The following NMNAT1 variants were observed in gnomAD, a reference collection of about 807,000 sequenced individuals.
NMNAT1 encodes the protein nicotinamide/nicotinic acid mononucleotide adenylyltransferase 1.
NMNAT1 carries 11 observed loss-of-function variants against 16.7 expected under a neutral mutation model. The ratio of observed to expected loss-of-function variants is 0.66; its 90% CI spans 0.41 to 1.09. The LOEUF is 1.09. NMNAT1 is among the 50% of genes least tolerant of loss of function. The pLI, the probability that NMNAT1 is intolerant of heterozygous loss-of-function variation, is 0.00. For missense variants in NMNAT1, 280 were observed against 332.3 expected, an observed-to-expected ratio of 0.84 and a Z score of 1.22; for synonymous variants, 110 against 119.8, an observed-to-expected ratio of 0.92 and a Z score of 0.53.
intron 3 of NMNAT1, among the ~76,000 whole-genome samples, chr1:9,977,178 G>C (rs116745709): frequency 0.017 from 2,619 of 152,280 alleles, 70 homozygotes; most frequent in African/African-American, 0.058. Flanking sequence ...AAAGTGCGGG[G>C]ATTACAGAGG....
chr1:9,980,269 T>C (rs1641911983), intron 3 of NMNAT1, among the ~76,000 whole-genome samples: 1 of 151,804 alleles, frequency 6.6e-6, no homozygotes, highest in Non-Finnish European at 1.5e-5. Context: ...TCCACAACAG[T>C]CATCTTATGT....
At chr1:9,967,866 C>G (rs1391962553) in intron 1 of NMNAT1, among the ~76,000 whole-genome samples, 2 of 151,888 alleles carry the variant, frequency 1.3e-5, no homozygotes, top group African/African-American at 4.8e-5. Context: ...GTCCCAGCTG[C>G]TTGGGAGGCT....
rs113736576 is a variant in NMNAT1, at chr1:9,977,621, C to T, written c.299+1846C>T. ...GTAGCTCATGACTATAATCCCAGCA[C>T]TTTGGGAGGCTGAGGCCGGCAGATC... is the stretch of plus-strand genomic sequence containing the variant. On this transcript the variant is annotated intron_variant, in intron 3 of 4. Coordinates refer to ENST00000377205, the MANE Select transcript of NMNAT1 (RefSeq NM_022787.4). Among the ~76,000 whole-genome samples, 756 of 152,144 alleles carry T rather than the reference C, an allele frequency of 5.0e-3. 10 individuals are homozygous for T. The highest frequency in any genetic ancestry group is 0.017 in the African/African-American group (713 of 41,522).
intron 3 of NMNAT1, among the ~76,000 whole-genome samples, chr1:9,980,321 T>C (rs1165506255): frequency 6.6e-6 from 1 of 151,932 alleles, no homozygotes; most frequent in Admixed American, 6.6e-5. Context: ...GGATTCAGTG[T>C]AATGTGTGGC....
the NMNAT1 span, among the ~76,000 whole-genome samples, chr1:9,990,956 T>C: frequency 1.3e-5 from 2 of 152,296 alleles, no homozygotes; most frequent in Middle Eastern, 3.4e-3. Flanking sequence ...AATTACTCCT[T>C]ATCCTATGGC....
chr1:9,968,732 C>T (rs1257177515), intron 1 of NMNAT1, among the ~76,000 whole-genome samples: 1 of 143,414 alleles, frequency 7.0e-6, no homozygotes, highest in East Asian at 2.1e-4. Context: ...GATCATGCCA[C>T]TGCACTCCAG....
At chr1:9,973,413 A>G (rs1015970671) in intron 2 of NMNAT1, among the ~76,000 whole-genome samples, 2 of 152,152 alleles carry the variant, frequency 1.3e-5, no homozygotes, top group Non-Finnish European at 2.9e-5. Context: ...AAGTTTTCAT[A>G]AACAATGCAT....
chr1:9,994,796 T>A, the NMNAT1 span, among the ~76,000 whole-genome samples: 1 of 151,814 alleles, frequency 6.6e-6, no homozygotes, highest in Non-Finnish European at 1.5e-5. Flanking sequence ...GTATTTTTAG[T>A]AGAGACAGGG....
intron 3 of NMNAT1, 118 bp downstream of exon 3, chr1:9,975,893 T>G: frequency 1.2e-6 from 1 of 807,850 alleles, no homozygotes; most frequent in Non-Finnish European, 2.0e-6. Context: ...AACTGTCACG[T>G]GTGTTGTAAG....
At chr1:9,981,874 T>C (rs1426383940) in intron 4 of NMNAT1, 1 of 156,152 alleles carries the variant, frequency 6.4e-6, no homozygotes, top group African/African-American at 2.4e-5. Flanking sequence ...ATTCTTTTTT[T>C]TTTTTTGAGA....
intron 1 of NMNAT1, among the ~76,000 whole-genome samples, chr1:9,966,552 G>T: frequency 6.6e-6 from 1 of 152,168 alleles, no homozygotes; most frequent in East Asian, 1.9e-4. Flanking sequence ...GATGGAAATT[G>T]CAGTGAGCCA....
chr1:9,992,769 G>A, the NMNAT1 span, among the ~76,000 whole-genome samples: 1 of 152,056 alleles, frequency 6.6e-6, no homozygotes, highest in Non-Finnish European at 1.5e-5. Flanking sequence ...AAAATTAGCT[G>A]GGTGTGGTGG....
At chr1:9,970,572 C>G (rs556016360) in intron 1 of NMNAT1, among the ~76,000 whole-genome samples, 1 of 151,976 alleles carries the variant, frequency 6.6e-6, no homozygotes, top group East Asian at 1.9e-4. Flanking sequence ...ACCTGTAATC[C>G]CAGCTACTCG....
chr1:9,989,447 A>C (rs1282983579), downstream of NMNAT1, among the ~76,000 whole-genome samples: 1 of 151,732 alleles, frequency 6.6e-6, no homozygotes, highest in East Asian at 1.9e-4. Context: ...GATAGAGCAA[A>C]ACTCAGTCTA....
At chr1:9,975,292 G>C (rs1041723793) in intron 2 of NMNAT1, among the ~76,000 whole-genome samples, 2 of 152,112 alleles carry the variant, frequency 1.3e-5, no homozygotes, top group African/African-American at 4.8e-5. Context: ...CTTGAGGTCA[G>C]GAGTTGGAGA....
chr1:9,944,633 G>A lies in NMNAT1; in HGVS notation c.-57+1118G>A, dbSNP rs989671221. Among the ~76,000 whole-genome samples the A allele has an allele frequency of 8.5e-5, 13 of 152,212 alleles. No homozygotes were observed. In the East Asian group the frequency reaches 2.3e-3, roughly 27 times the overall value. The stretch of plus-strand genomic sequence containing the variant: ...TGGGCTCAAGCGATCCTCTGGCCTT[G>A]GCCCCTCAAAGTGTTGTGGTGATTG... On this transcript the variant is annotated intron_variant, in intron 1 of 4. Coordinates refer to ENST00000377205, the MANE Select transcript of NMNAT1 (RefSeq NM_022787.4).
At chr1:9,953,361 C>T (rs1265018198) in intron 1 of NMNAT1, among the ~76,000 whole-genome samples, 1 of 151,056 alleles carries the variant, frequency 6.6e-6, no homozygotes, top group Admixed American at 6.6e-5. Context: ...ACTGCATCCT[C>T]TGCCTCCCAG....
At chr1:9,972,645 A>G (rs1322554423) in intron 2 of NMNAT1, 1 of 155,108 alleles carries the variant, frequency 6.4e-6, no homozygotes, top group Admixed American at 6.3e-5. Flanking sequence ...AGAATTGAGC[A>G]TCTGGCTATG....
At chr1:9,973,029 A>C (rs994853496) in intron 2 of NMNAT1, among the ~76,000 whole-genome samples, 1 of 152,220 alleles carries the variant, frequency 6.6e-6, no homozygotes, top group Non-Finnish European at 1.5e-5. Context: ...GTTTCCCATT[A>C]CTTAAGGCAA....
Sources: allele counts gnomAD v4.1 joint callset (sites outside exome capture counted in the v4.1 genomes callset), GRCh38; gene constraint gnomAD v4.1.1; transcripts MANE v1.5; gene names NCBI Gene and HGNC (gene_info 2026-07-23, HGNC 2026-07-21).